SPAG16: variants seen among roughly 807,000 people sequenced by gnomAD.
SPAG16 encodes the protein sperm associated antigen 16, also known as sperm-associated antigen 16 protein.
In SPAG16, 86 loss-of-function variants were observed where a neutral mutation model predicts 80.4. The ratio of observed to expected loss-of-function variants is 1.07; its 90% CI spans 0.90 to 1.28. The LOEUF is 1.28. SPAG16 is among the 50% of genes most tolerant of loss of function. The probability of loss-of-function intolerance (pLI) is 0.00; values close to 1 mark genes in which losing one functional copy is unlikely to be tolerated. For synonymous variants in SPAG16, 294 were observed against 265.9 expected (o/e 1.11, Z -1.03); for missense variants, 870 against 765.3 (o/e 1.14, Z -1.61).
chr2:214,368,312 T>C lies in SPAG16; in HGVS notation c.1721-41828T>C, dbSNP rs568281573. Among the ~76,000 whole-genome samples, 4 of 152,228 alleles carry C rather than the reference T, an allele frequency of 2.6e-5. No homozygotes were observed. In the East Asian group the frequency reaches 7.7e-4, roughly 29 times the overall value. On this transcript the variant is annotated intron_variant, in intron 15 of 15. Coordinates refer to ENST00000331683, the MANE Select transcript of SPAG16 (RefSeq NM_024532.5). The stretch of plus-strand genomic sequence containing the variant: ...AACCCTATCTTTTCCTGTCTTTTCT[T>C]ATCAAACTTTTCTACTATAATATCT...
chr2:214,012,276 A>G (rs1227699721), intron 12 of SPAG16, among the ~76,000 whole-genome samples: 2 of 46,338 alleles, frequency 4.3e-5, no homozygotes, highest in Non-Finnish European at 8.4e-5. Flanking sequence ...ATATATATAT[A>G]TATATATATA....
intron 11 of SPAG16, among the ~76,000 whole-genome samples, chr2:213,901,429 A>T (rs1205410801): frequency 6.6e-6 from 1 of 152,164 alleles, no homozygotes; most frequent in Non-Finnish European, 1.5e-5. Context: ...CCTATTGAGC[A>T]ATAGCCTCAA....
chr2:213,837,554 A>G (rs72939299), intron 10 of SPAG16, among the ~76,000 whole-genome samples: 38,349 of 152,198 alleles, frequency 0.25, 5,340 homozygotes, highest in South Asian at 0.38. Flanking sequence ...CAACTAAGAC[A>G]TCGGGCTATT....
chr2:214,229,818 ATATAC>A (rs1406268537), intron 15 of SPAG16, among the ~76,000 whole-genome samples: 2 of 151,942 alleles, frequency 1.3e-5, no homozygotes, highest in African/African-American at 4.8e-5. Context: ...AAAATGTATA[ATATAC>A]ACAAACTTCT....
chr2:214,042,766 C>G (rs2049106327), intron 13 of SPAG16, among the ~76,000 whole-genome samples: 1 of 152,158 alleles, frequency 6.6e-6, no homozygotes, highest in Non-Finnish European at 1.5e-5. Context: ...AGCAATGCAA[C>G]TCTCCTAAGA....
chr2:213,551,234 T>G (rs2076770214), intron 10 of SPAG16, among the ~76,000 whole-genome samples: 1 of 152,200 alleles, frequency 6.6e-6, no homozygotes, highest in African/African-American at 2.4e-5. Flanking sequence ...CAGAAGGCTT[T>G]TCTCCCAACT....
chr2:213,773,717 C>T (rs1297611580), intron 10 of SPAG16, among the ~76,000 whole-genome samples: 1 of 152,026 alleles, frequency 6.6e-6, no homozygotes, highest in African/African-American at 2.4e-5. Context: ...CCACGCCTGG[C>T]TAATTTTTGT....
intron 11 of SPAG16, among the ~76,000 whole-genome samples, chr2:213,914,091 A>T (rs2106180673): frequency 6.6e-6 from 1 of 152,284 alleles, no homozygotes; most frequent in South Asian, 2.1e-4. Context: ...GACGCATAAA[A>T]TTAGCTATCA....
At chr2:214,326,100 G>A (rs1480117052) in intron 15 of SPAG16, among the ~76,000 whole-genome samples, 3 of 152,170 alleles carry the variant, frequency 2.0e-5, no homozygotes, top group Non-Finnish European at 4.4e-5. Flanking sequence ...ATGTGTCAGT[G>A]TCATTTTATC....
At chr2:213,759,337 A>G (rs2068519443) in intron 10 of SPAG16, among the ~76,000 whole-genome samples, 1 of 152,008 alleles carries the variant, frequency 6.6e-6, no homozygotes, top group African/African-American at 2.4e-5. Context: ...GTTAATATAT[A>G]TATATTTAAA....
intron 9 of SPAG16, among the ~76,000 whole-genome samples, chr2:213,378,075 G>A (rs150135262): frequency 4.5e-4 from 68 of 152,032 alleles, no homozygotes; most frequent in Non-Finnish European, 8.5e-4. Context: ...GATGTTAGAG[G>A]GCAGGAAGCA....
intron 12 of SPAG16, among the ~76,000 whole-genome samples, chr2:214,002,538 G>A (rs1217665052): frequency 6.6e-6 from 1 of 152,134 alleles, no homozygotes; most frequent in Non-Finnish European, 1.5e-5. Flanking sequence ...GAGAGAGAGA[G>A]AGATAGATGC....
rs111435391 is a variant in SPAG16, at chr2:213,502,312, G to T, written c.1070+12222G>T. 7.9e-4 allele frequency among the ~76,000 whole-genome samples: 120 copies of T among 152,080 alleles called. 2 individuals carry two copies. The highest frequency in any genetic ancestry group is 3.4e-3 in the Middle Eastern group (1 of 294). On this transcript the variant is annotated intron_variant, in intron 10 of 15. Coordinates refer to ENST00000331683, the MANE Select transcript of SPAG16 (RefSeq NM_024532.5). ...AAAAATTTTTTTTTTCTGTAGAGAT[G>T]GGGTCTTGCCATGTTTCCCAGGCTG...
chr2:213,667,933 C>CTATTTATT (rs368610907), intron 10 of SPAG16, among the ~76,000 whole-genome samples: 5,125 of 150,584 alleles, frequency 0.034, 117 homozygotes, highest in South Asian at 0.074. Context: ...AAAAATTCTA[C>CTATTTATT]TATTTATTTA....
intron 10 of SPAG16, among the ~76,000 whole-genome samples, chr2:213,571,910 C>T (rs1464681790): frequency 1.4e-5 from 2 of 139,108 alleles, no homozygotes; most frequent in Non-Finnish European, 3.0e-5. Flanking sequence ...CACATAGTCC[C>T]ATAGTTCTTG....
At chr2:213,511,345 G>A (rs1323136478) in intron 10 of SPAG16, among the ~76,000 whole-genome samples, 1 of 151,930 alleles carries the variant, frequency 6.6e-6, no homozygotes. Context: ...TGATTTGAAG[G>A]CTAGTTTAAA....
At chr2:214,204,115 G>A (rs1240754139) in intron 15 of SPAG16, among the ~76,000 whole-genome samples, 3 of 152,118 alleles carry the variant, frequency 2.0e-5, no homozygotes, top group African/African-American at 7.2e-5. Context: ...ATCCCTCTGG[G>A]AACATGACTG....
intron 15 of SPAG16, among the ~76,000 whole-genome samples, chr2:214,329,265 A>G (rs1696716802): frequency 1.3e-5 from 2 of 148,298 alleles, no homozygotes; most frequent in Admixed American, 6.8e-5. Flanking sequence ...CACTCAAGTT[A>G]TTTACAATCC....
intron 10 of SPAG16, among the ~76,000 whole-genome samples, chr2:213,562,609 G>A (rs2059629072): frequency 6.6e-6 from 1 of 152,136 alleles, no homozygotes; most frequent in South Asian, 2.1e-4. Flanking sequence ...TATAGATGGT[G>A]CTATCTTCTC....
Sources: gnomAD v4.1 joint callset for allele counts (sites outside exome capture counted in the v4.1 genomes callset) on GRCh38, gnomAD v4.1.1 for gene constraint, MANE v1.5 for transcripts, NCBI Gene and HGNC (gene_info 2026-07-23, HGNC 2026-07-21) for gene names.